Variants in HSD17B2 observed in about 807,000 individuals in gnomAD.
The protein encoded by HSD17B2 is hydroxysteroid 17-beta dehydrogenase 2.
In HSD17B2, 32 loss-of-function variants were observed where a neutral mutation model predicts 26.9. The ratio of observed to expected loss-of-function variants is 1.19; its 90% CI spans 0.90 to 1.60. The LOEUF (loss-of-function observed/expected upper bound fraction) is 1.60. Ranked by LOEUF, HSD17B2 falls within the 40% of genes most tolerant of loss-of-function variation. HSD17B2 has a pLI of 0.00. For missense variants in HSD17B2, 613 were observed against 468.6 expected, an observed-to-expected ratio of 1.31 and a Z score of -2.85; for synonymous variants, 246 against 186.7, an observed-to-expected ratio of 1.32 and a Z score of -2.59.
intron 1 of HSD17B2, among the ~76,000 whole-genome samples, chr16:82,061,549 C>T (rs539505229): frequency 2.3e-4 from 35 of 152,062 alleles, no homozygotes; most frequent in South Asian, 6.2e-4. Context: ...TTAATAGGGA[C>T]GATTTTATCT....
chr16:82,070,318 T>C (rs1914669056), intron 2 of HSD17B2, among the ~76,000 whole-genome samples: 1 of 152,146 alleles, frequency 6.6e-6, no homozygotes, highest in Non-Finnish European at 1.5e-5. Flanking sequence ...ACCTCCTGGA[T>C]AGTTACCCTC....
rs8191183 is a variant in HSD17B2, at chr16:82,073,099, A to G, written c.664+1972A>G. 4.2e-3 allele frequency among the ~76,000 whole-genome samples: 640 copies of G among 152,148 alleles called. 5 individuals are homozygous for G. The highest frequency in any genetic ancestry group is 0.015 in the African/African-American group (609 of 41,530). ...CAATACAGAGCATAACCTTCCACAT[A>G]TCTTCAACTTGGCCTTTAAAGCTCT... On this transcript the variant is annotated intron_variant, in intron 3 of 4. Transcript: ENST00000199936.
At chr16:82,063,616 T>G (rs1212848917) in intron 1 of HSD17B2, among the ~76,000 whole-genome samples, 1 of 152,196 alleles carries the variant, frequency 6.6e-6, no homozygotes, top group Non-Finnish European at 1.5e-5. Flanking sequence ...GAGGGAATGT[T>G]CTGACCACTT....
chr16:82,090,035 A>T (rs2966251), intron 3 of HSD17B2: 149,971 of 158,544 alleles, frequency 0.95, 71,224 homozygotes, highest in Non-Finnish European at 0.99. Context: ...TTAGGTGGGA[A>T]ACAGAGCATC....
intron 1 of HSD17B2, among the ~76,000 whole-genome samples, chr16:82,036,119 T>C (rs1376042346): frequency 6.6e-6 from 1 of 152,176 alleles, no homozygotes; most frequent in Non-Finnish European, 1.5e-5. Flanking sequence ...CAAGTTCTAC[T>C]TGTCCCTTGC....
intron 4 of HSD17B2, chr16:82,092,119 G>C (rs1904712228): frequency 6.6e-6 from 1 of 152,142 alleles, no homozygotes; most frequent in Non-Finnish European, 1.5e-5. Context: ...TTTGGCTTCA[G>C]AGCTTATTTT....
At chr16:82,066,594 T>C (rs748283743) in intron 1 of HSD17B2, among the ~76,000 whole-genome samples, 1 of 152,210 alleles carries the variant, frequency 6.6e-6, no homozygotes, top group Non-Finnish European at 1.5e-5. Flanking sequence ...CACCCTCCAT[T>C]CTGCCTGTCC....
At chr16:82,072,744 G>A (rs1225216444) in intron 3 of HSD17B2, among the ~76,000 whole-genome samples, 2 of 152,146 alleles carry the variant, frequency 1.3e-5, no homozygotes, top group South Asian at 2.1e-4. Flanking sequence ...ATGGATTAAT[G>A]AATGGGTAAG....
Position 82,081,345 on chromosome 16 carries a change from C to T in HSD17B2, c.665-9557C>T, listed in dbSNP as rs149667839. Among the ~76,000 whole-genome samples the T allele has an allele frequency of 3.7e-3, 557 of 152,236 alleles. 4 individuals are homozygous for T. The highest frequency in any genetic ancestry group is 0.013 in the African/African-American group (544 of 41,536). On this transcript the variant is annotated intron_variant, in intron 3 of 4. Transcript: ENST00000199936. ...CACTCATTCTCCTCTTCAACCTTTCCTCCTTCCTCCTCCCCACTAACTCCT... is the reference window on the plus strand; with the variant it reads ...CACTCATTCTCCTCTTCAACCTTTCTTCCTTCCTCCTCCCCACTAACTCCT...
intron 4 of HSD17B2, chr16:82,092,532 G>T (rs530789433): frequency 3.9e-5 from 6 of 152,300 alleles, no homozygotes; most frequent in Admixed American, 2.6e-4. Flanking sequence ...CAGAAATATT[G>T]AAATTTTGGC....
At chr16:82,082,179 G>A (rs2144004374) in intron 3 of HSD17B2, among the ~76,000 whole-genome samples, 1 of 152,168 alleles carries the variant, frequency 6.6e-6, no homozygotes, top group East Asian at 1.9e-4. Flanking sequence ...TCAGTTCCCT[G>A]TGCCCACTGG....
intron 1 of HSD17B2, among the ~76,000 whole-genome samples, chr16:82,050,860 G>A (rs1169726178): frequency 6.6e-6 from 1 of 152,110 alleles, no homozygotes; most frequent in Non-Finnish European, 1.5e-5. Flanking sequence ...TTTGGGGCTG[G>A]AAAATTTCTT....
At chr16:82,085,485 G>A (rs1904500432) in intron 3 of HSD17B2, among the ~76,000 whole-genome samples, 1 of 152,074 alleles carries the variant, frequency 6.6e-6, no homozygotes, top group Non-Finnish European at 1.5e-5. Context: ...ATAAAGTCAG[G>A]ATATGAACCG....
chr16:82,071,641 T>A (rs749856372), intron 3 of HSD17B2: 10 of 205,412 alleles, frequency 4.9e-5, no homozygotes, highest in Non-Finnish European at 9.9e-5. Flanking sequence ...TGACACTGGA[T>A]AGTTTGTCTC....
intron 2 of HSD17B2, 110 bp downstream of exon 2, chr16:82,068,492 T>C: frequency 1.1e-6 from 1 of 875,070 alleles, no homozygotes. Flanking sequence ...CTGTTTGCCC[T>C]GAAGCACACC....
At chr16:82,040,479 A>C (rs1389755175) in intron 1 of HSD17B2, among the ~76,000 whole-genome samples, 1 of 152,250 alleles carries the variant, frequency 6.6e-6, no homozygotes, top group African/African-American at 2.4e-5. Flanking sequence ...GATTGGACTA[A>C]ACCCAGATCA....
At position 82,090,973 on chromosome 16, in the gene HSD17B2, A is replaced by G; in HGVS notation, c.736A>G (p.Met246Val). ...KAAVTMFSSVMRLELSKWGIK... is the reference protein window; with the variant it reads ...KAAVTMFSSVVRLELSKWGIK... ...GGCTGTGACCATGTTCTCATCAGTTATGAGACTGGAGCTTTCCAAGTGGGG... is the reference window on the plus strand; with the variant it reads ...GGCTGTGACCATGTTCTCATCAGTTGTGAGACTGGAGCTTTCCAAGTGGGG... Residue 246 changes from methionine (M) to valine (V), a missense_variant, in exon 4 of 5, where the codon ATG becomes GTG. By Grantham distance (21) the Met-to-Val change is conservative (BLOSUM62 1). Transcript: ENST00000199936. The G allele has an allele frequency of 6.2e-7, 1 of 1,614,018 alleles. No homozygotes were observed. Among genetic ancestry groups the G allele is most frequent in the East Asian group, 2.2e-5 (1 of 44,872 alleles).
At chr16:82,039,644 C>A (rs1289932566) in intron 1 of HSD17B2, among the ~76,000 whole-genome samples, 1 of 152,178 alleles carries the variant, frequency 6.6e-6, no homozygotes, top group Non-Finnish European at 1.5e-5. Context: ...GTTCCTTCCC[C>A]CTCTTCTGAG....
chr16:82,064,772 G>A (rs571459784), intron 1 of HSD17B2, among the ~76,000 whole-genome samples: 7 of 152,192 alleles, frequency 4.6e-5, no homozygotes, highest in Non-Finnish European at 7.4e-5. Flanking sequence ...GAAGATGCTC[G>A]TCTATGTCTG....
Sources: allele counts gnomAD v4.1 joint callset (sites outside exome capture counted in the v4.1 genomes callset), GRCh38; gene constraint gnomAD v4.1.1; transcripts MANE v1.5; gene names NCBI Gene and HGNC (gene_info 2026-07-23, HGNC 2026-07-21).